Variants in ZFYVE28 observed in about 807,000 individuals in gnomAD.
ZFYVE28 encodes the protein zinc finger FYVE-type containing 28.
A neutral mutation model predicts 82.1 loss-of-function variants in ZFYVE28; 40 were observed. The ratio of observed to expected loss-of-function variants is 0.49; its 90% CI spans 0.38 to 0.63. The LOEUF is 0.63. ZFYVE28 is among the 30% of genes least tolerant of loss of function. The pLI is 0.00. For synonymous variants in ZFYVE28, 612 were observed against 546.1 expected, an observed-to-expected ratio of 1.12 and a Z score of -1.68; for missense variants, 1,321 against 1,242.1, an observed-to-expected ratio of 1.06 and a Z score of -0.96.
intron 8 of ZFYVE28, among the ~76,000 whole-genome samples, chr4:2,281,828 CAG>C (rs768086901): frequency 6.6e-6 from 1 of 152,176 alleles, no homozygotes; most frequent in Non-Finnish European, 1.5e-5. Context: ...AGGAGGACCT[CAG>C]GGGTAGATCA....
chr4:2,347,880 G>T (rs1316454738), intron 2 of ZFYVE28, among the ~76,000 whole-genome samples: 2 of 151,956 alleles, frequency 1.3e-5, no homozygotes, highest in Non-Finnish European at 2.9e-5. Context: ...CTGTTTTTAA[G>T]TCTACTACAT....
chr4:2,372,996 C>T lies in ZFYVE28; in HGVS notation c.40-18923G>A, dbSNP rs34023324. Among the ~76,000 whole-genome samples the T allele has an allele frequency of 0.095, 14,522 of 152,130 alleles. 770 individuals carry two copies. Among genetic ancestry groups the T allele is most frequent in the East Asian group, 0.12 (611 of 5,162 alleles). On this transcript the variant is annotated intron_variant, in intron 1 of 12. Coordinates refer to ENST00000290974, the MANE Select transcript of ZFYVE28 (RefSeq NM_020972.3). This position sits in a 1 kb window ranked among gnomAD's most constrained non-coding sequence, Gnocchi z 5.2. Reference sequence around the variant, plus strand: ...TGGGCAGACACTCGGGGTACCCTTACCCTATGCCTGAGCCAGCCTCTACCC... The same window carrying T: ...TGGGCAGACACTCGGGGTACCCTTATCCTATGCCTGAGCCAGCCTCTACCC...
chr4:2,292,129 G>A (rs1395358791), intron 8 of ZFYVE28, among the ~76,000 whole-genome samples: 1 of 152,334 alleles, frequency 6.6e-6, no homozygotes, highest in Non-Finnish European at 1.5e-5. Flanking sequence ...ATGCTGCAGA[G>A]CCTGAGAGGC....
chr4:2,329,946 C>T (rs1053299427), intron 6 of ZFYVE28, among the ~76,000 whole-genome samples: 10 of 152,088 alleles, frequency 6.6e-5, no homozygotes, highest in African/African-American at 2.4e-4. Flanking sequence ...TGCAAAAGTC[C>T]ACCACACTAT....
chr4:2,315,195 C>A lies in ZFYVE28; in HGVS notation c.803+4975G>T, dbSNP rs1312657840. Among the ~76,000 whole-genome samples the A allele has an allele frequency of 2.0e-5, 3 of 152,264 alleles. No individual in the cohort carries two copies. In the East Asian group the frequency reaches 5.8e-4, roughly 29 times the overall value. On this transcript the variant is annotated intron_variant, in intron 7 of 12. Coordinates refer to ENST00000290974, the MANE Select transcript of ZFYVE28 (RefSeq NM_020972.3). Reference sequence around the variant, plus strand: ...TTCAGTTCTATGTTTTGGAATAATTCATGAAGGCAAAATATCACCTTCATT... The same window carrying A: ...TTCAGTTCTATGTTTTGGAATAATTAATGAAGGCAAAATATCACCTTCATT...
In ZFYVE28 at chr4:2,372,117, C is replaced by T. The variant is rs921654910; in HGVS notation, c.40-18044G>A. 1.3e-5 allele frequency among the ~76,000 whole-genome samples: 2 copies of T among 152,206 alleles called. No homozygotes were observed. Among genetic ancestry groups the T allele is most frequent in the African/African-American group, 4.8e-5 (2 of 41,454 alleles). On this transcript the variant is annotated intron_variant, in intron 1 of 12. Coordinates refer to ENST00000290974, the MANE Select transcript of ZFYVE28 (RefSeq NM_020972.3). This position sits in a 1 kb window ranked among gnomAD's most constrained non-coding sequence, Gnocchi z 5.2. ...TTCTGGTGCGCATGGCCCATGTGGACATCTGTCAGAACTGGGGAGCGGGGA... is the reference window on the plus strand; with the variant it reads ...TTCTGGTGCGCATGGCCCATGTGGATATCTGTCAGAACTGGGGAGCGGGGA...
At chr4:2,399,718 T>A (rs893581966) in intron 1 of ZFYVE28, among the ~76,000 whole-genome samples, 3 of 151,896 alleles carry the variant, frequency 2.0e-5, no homozygotes, top group Non-Finnish European at 4.4e-5. Context: ...GTGGCGATAC[T>A]CGGATCCCAA....
chr4:2,365,214 T>G (rs1578265070), intron 1 of ZFYVE28, among the ~76,000 whole-genome samples: 1 of 150,834 alleles, frequency 6.6e-6, no homozygotes, highest in African/African-American at 2.4e-5. Context: ...TCTCCCCGGG[T>G]GGGCCACGCG....
chr4:2,393,959 G>C (rs2097296), intron 1 of ZFYVE28, among the ~76,000 whole-genome samples: 98,927 of 152,124 alleles, frequency 0.65, 32,642 homozygotes, highest in East Asian at 0.79. Flanking sequence ...TGGACTAGAA[G>C]CAGGTGTCAG....
At chr4:2,385,206 GGACAGACA>G (rs1201163758) in intron 1 of ZFYVE28, among the ~76,000 whole-genome samples, 1 of 152,190 alleles carries the variant, frequency 6.6e-6, no homozygotes, top group Non-Finnish European at 1.5e-5. Flanking sequence ...AGTGGCTTCA[GGACAGACA>G]GACCTGGGCC....
chr4:2,364,972 T>TC (rs1388245083), intron 1 of ZFYVE28: 2 of 921,334 alleles, frequency 2.2e-6, no homozygotes, highest in Non-Finnish European at 2.6e-6. Flanking sequence ...AGCCGGGGTG[T>TC]CCCGGGCGCA....
intron 1 of ZFYVE28, among the ~76,000 whole-genome samples, chr4:2,373,915 C>A (rs918216958): frequency 6.6e-6 from 1 of 152,318 alleles, no homozygotes; most frequent in Middle Eastern, 3.4e-3. Context: ...ATGCCCCAAG[C>A]CCTGCCTCCC....
chr4:2,301,108 T>C (rs1577972245), intron 8 of ZFYVE28, among the ~76,000 whole-genome samples: 1 of 151,604 alleles, frequency 6.6e-6, no homozygotes, highest in African/African-American at 2.4e-5. Context: ...CTCCTGTGTC[T>C]GTCTGTTTAA....
At chr4:2,328,183 A>T (rs1394291188) in intron 6 of ZFYVE28, among the ~76,000 whole-genome samples, 1 of 152,236 alleles carries the variant, frequency 6.6e-6, no homozygotes, top group East Asian at 1.9e-4. Flanking sequence ...GAATAAAGAA[A>T]ATGTGGTATA....
intron 1 of ZFYVE28, among the ~76,000 whole-genome samples, chr4:2,358,223 A>G (rs1444797905): frequency 6.6e-6 from 1 of 152,186 alleles, no homozygotes; most frequent in East Asian, 1.9e-4. Context: ...TGCGTTGTGC[A>G]TAAGTGTGTA....
chr4:2,327,312 A>T (rs1720037643), intron 6 of ZFYVE28, among the ~76,000 whole-genome samples: 1 of 113,802 alleles, frequency 8.8e-6, no homozygotes, highest in Non-Finnish European at 1.7e-5. Context: ...ATATATATCG[A>T]ATAAAGTTGC....
chr4:2,324,016 G>C (rs1419917520), intron 6 of ZFYVE28, among the ~76,000 whole-genome samples: 1 of 152,024 alleles, frequency 6.6e-6, no homozygotes, highest in Non-Finnish European at 1.5e-5. Flanking sequence ...TGGTGCTTTT[G>C]ATGTCAAATC....
At chr4:2,379,999 G>C (rs1181958969) in intron 1 of ZFYVE28, among the ~76,000 whole-genome samples, 3 of 152,114 alleles carry the variant, frequency 2.0e-5, no homozygotes, top group African/African-American at 7.2e-5. Context: ...TGTTGCCCAG[G>C]CTGGTCAAAT....
chr4:2,338,443 A>T (rs1426068386), intron 4 of ZFYVE28, among the ~76,000 whole-genome samples: 2 of 152,120 alleles, frequency 1.3e-5, no homozygotes, highest in Admixed American at 6.5e-5. Context: ...ACACAAAAAA[A>T]TGAGCCAGGC....
Sources: gnomAD v4.1 joint callset for allele counts (sites outside exome capture counted in the v4.1 genomes callset) on GRCh38, gnomAD v4.1.1 for gene constraint, Gnocchi (gnomAD v3.1) non-coding constraint, MANE v1.5 for transcripts, NCBI Gene and HGNC (gene_info 2026-07-23, HGNC 2026-07-21) for gene names.